AGBL1: variants seen among roughly 807,000 people sequenced by gnomAD.
AGBL1 encodes AGBL carboxypeptidase 1, also known as cytosolic carboxypeptidase 4.
A neutral mutation model predicts 118.9 loss-of-function variants in AGBL1; 130 were observed. The ratio of observed to expected loss-of-function variants is 1.09; its 90% CI spans 0.95 to 1.26. The LOEUF is 1.26. AGBL1 is among the 50% of genes most tolerant of loss of function. The pLI, the probability that AGBL1 is intolerant of heterozygous loss-of-function variation, is 0.00. For synonymous variants in AGBL1, 555 were observed against 478.9 expected (o/e 1.16, Z -2.08); for missense variants, 1,584 against 1,298.1 (o/e 1.22, Z -3.38).
chr15:86,305,913 A>G (rs1449971418), intron 17 of AGBL1, among the ~76,000 whole-genome samples: 2 of 152,078 alleles, frequency 1.3e-5, no homozygotes, highest in Non-Finnish European at 2.9e-5. Flanking sequence ...ACTCCCACAA[A>G]GTGTAAGAGA....
At chr15:86,523,732 TG>T (rs957094816) in intron 19 of AGBL1, among the ~76,000 whole-genome samples, 11 of 152,194 alleles carry the variant, frequency 7.2e-5, no homozygotes, top group Admixed American at 6.5e-5. Flanking sequence ...ATTCTGGCAC[TG>T]CCCCAGGGAT....
intron 18 of AGBL1, among the ~76,000 whole-genome samples, chr15:86,481,795 C>T (rs571601206): frequency 1.3e-5 from 2 of 152,228 alleles, no homozygotes; most frequent in Admixed American, 1.3e-4. Context: ...TTGGCGGTCA[C>T]CTGGTTTGTT....
chr15:86,327,837 C>T (rs1286399348), intron 17 of AGBL1, among the ~76,000 whole-genome samples: 1 of 152,086 alleles, frequency 6.6e-6, no homozygotes, highest in Non-Finnish European at 1.5e-5. Context: ...TATTTACATC[C>T]CACTCTAATG....
chr15:86,259,837 T>C lies in AGBL1; in HGVS notation c.969+1806T>C, dbSNP rs187460924. ...ATAACTGAATGTCTGATGCAGAGTG[T>C]CACCCACTTCATGTATCTGATGGGG... On this transcript the variant is annotated intron_variant, in intron 9 of 22. Transcript: ENST00000614907. 2.1e-3 allele frequency among the ~76,000 whole-genome samples: 313 copies of C among 152,354 alleles called. 1 individual carries two copies. Among genetic ancestry groups the C allele is most frequent in the African/African-American group, 7.2e-3 (301 of 41,582 alleles).
Position 86,574,036 on chromosome 15 carries a change from T to C in AGBL1, c.2994+19499T>C, listed in dbSNP as rs539049702. ...AGAAAACTACCAGCGACCAAACAAA[T>C]AAACAAACAAACAAAAAAAAACCAT... On this transcript the variant is annotated intron_variant, in intron 21 of 22. Coordinates refer to ENST00000614907, the MANE Select transcript of AGBL1 (RefSeq NM_001386094.1). Among the ~76,000 whole-genome samples the C allele has an allele frequency of 4.3e-4, 65 of 150,772 alleles. No homozygotes were observed. In the South Asian group the frequency reaches 7.3e-3, roughly 17 times the overall value.
At position 86,286,735 on chromosome 15, in the gene AGBL1, G is replaced by GTGTATATATATATATA; in HGVS notation, c.2220+6953_2220+6954insGTATATATATATATAT. On this transcript the variant is annotated intron_variant, in intron 16 of 22. Transcript: ENST00000614907. Reference sequence around the variant, plus strand: ...TATATGTGTGTGTGTGTTTGTGTGTGTATATATATATATAAAACTCCATCA... The same window carrying GTGTATATATATATATA: ...TATATGTGTGTGTGTGTTTGTGTGTGTGTATATATATATATATATATATATATATAAAACTCCATCA... Among the ~76,000 whole-genome samples the GTGTATATATATATATA allele has an allele frequency of 3.0e-3, 317 of 106,274 alleles. 27 individuals carry two copies. The highest frequency in any genetic ancestry group is 4.5e-3 in the Non-Finnish European group (221 of 49,468). The allele number at this position is 106,274 out of a possible 152,430, so 69.7% of individuals were successfully genotyped here.
At chr15:86,925,688 CT>C (rs1387805225) in intron 23 of AGBL1, among the ~76,000 whole-genome samples, 2 of 142,958 alleles carry the variant, frequency 1.4e-5, no homozygotes, top group African/African-American at 2.6e-5. Flanking sequence ...TTCTTCTTTT[CT>C]TTTTTTCTTT....
intron 24 of AGBL1, among the ~76,000 whole-genome samples, chr15:86,992,287 G>A (rs559966193): frequency 2.0e-5 from 3 of 152,180 alleles, no homozygotes; most frequent in African/African-American, 7.2e-5. Context: ...TGACAAAAAC[G>A]CCTCCCACCC....
chr15:86,370,336 A>C (rs1596026899), intron 17 of AGBL1, among the ~76,000 whole-genome samples: 3 of 124,678 alleles, frequency 2.4e-5, no homozygotes, highest in African/African-American at 3.1e-5. Flanking sequence ...ACAGAATCTC[A>C]CTCTGTCACC....
At chr15:86,187,779 T>C (rs555307801) in intron 5 of AGBL1, among the ~76,000 whole-genome samples, 1 of 152,336 alleles carries the variant, frequency 6.6e-6, no homozygotes, top group East Asian at 1.9e-4. Flanking sequence ...TCCCAAGGTG[T>C]AGCAAATCCT....
intron 22 of AGBL1, among the ~76,000 whole-genome samples, chr15:86,820,568 CAT>C (rs759410067): frequency 8.3e-4 from 127 of 152,142 alleles, no homozygotes; most frequent in African/African-American, 3.0e-3. Context: ...GGCCAAGAAA[CAT>C]ATGAAAAAAA....
chr15:86,672,363 G>A (rs2085761511), intron 21 of AGBL1, among the ~76,000 whole-genome samples: 1 of 152,156 alleles, frequency 6.6e-6, no homozygotes, highest in African/African-American at 2.4e-5. Context: ...GAAGTTGACT[G>A]GTATGAAGGA....
chr15:86,366,414 C>T (rs28378776), intron 17 of AGBL1, among the ~76,000 whole-genome samples: 1 of 152,088 alleles, frequency 6.6e-6, no homozygotes, highest in Non-Finnish European at 1.5e-5. Flanking sequence ...GATGCTGATC[C>T]TATTTTTAAT....
intron 16 of AGBL1, among the ~76,000 whole-genome samples, chr15:86,283,514 A>G (rs1484274593): frequency 6.6e-6 from 1 of 152,034 alleles, no homozygotes; most frequent in African/African-American, 2.4e-5. Context: ...AAAGAGAGGG[A>G]AGAAAGAAGA....
chr15:86,768,030 A>C (rs1300368585), intron 22 of AGBL1, among the ~76,000 whole-genome samples: 2 of 152,022 alleles, frequency 1.3e-5, no homozygotes, highest in African/African-American at 2.4e-5. Flanking sequence ...TCATTTATAC[A>C]GAAAGAACTC....
intron 5 of AGBL1, among the ~76,000 whole-genome samples, chr15:86,182,077 T>A (rs937388980): frequency 2.6e-5 from 4 of 151,856 alleles, no homozygotes; most frequent in African/African-American, 9.7e-5. Flanking sequence ...GAGCATAGAA[T>A]GAGAGCATTA....
chr15:86,838,614 A>G (rs1461366719), intron 22 of AGBL1, among the ~76,000 whole-genome samples: 1 of 151,536 alleles, frequency 6.6e-6, no homozygotes, highest in Non-Finnish European at 1.5e-5. Context: ...CATCTGATAA[A>G]GAAATCAAAA....
At chr15:86,375,031 G>T (rs1235472593) in intron 17 of AGBL1, among the ~76,000 whole-genome samples, 3 of 152,150 alleles carry the variant, frequency 2.0e-5, no homozygotes, top group African/African-American at 7.2e-5. Context: ...GTTTCCCTTT[G>T]TGGAATCTGT....
chr15:86,357,564 T>A (rs1394420270), intron 17 of AGBL1, among the ~76,000 whole-genome samples: 2 of 152,200 alleles, frequency 1.3e-5, no homozygotes, highest in African/African-American at 4.8e-5. Flanking sequence ...GGCCTTGTGG[T>A]TAGCAAAGTC....
Sources: allele counts gnomAD v4.1 joint callset (sites outside exome capture counted in the v4.1 genomes callset), GRCh38; gene constraint gnomAD v4.1.1; transcripts MANE v1.5; gene names NCBI Gene and HGNC (gene_info 2026-07-23, HGNC 2026-07-21).